PHAX: variants seen among roughly 807,000 people sequenced by gnomAD.
PHAX encodes phosphorylated adaptor for RNA export.
A neutral mutation model predicts 41.6 loss-of-function variants in PHAX; 31 were observed. That is an observed-to-expected ratio of 0.75 (90% confidence interval 0.56 to 1.01). PHAX has a LOEUF of 1.01. Among genes scored for constraint, PHAX ranks in the 50% least tolerant of loss-of-function variants. PHAX has a pLI of 0.00. For synonymous variants in PHAX, 175 were observed against 164.9 expected, an observed-to-expected ratio of 1.06 and a Z score of -0.47; for missense variants, 453 against 472.9, an observed-to-expected ratio of 0.96 and a Z score of 0.39.
intron 2 of PHAX, among the ~76,000 whole-genome samples, chr5:126,607,351 C>G (rs1405757226): frequency 6.6e-6 from 1 of 150,994 alleles, no homozygotes; most frequent in Non-Finnish European, 1.5e-5. Flanking sequence ...TGCACTGCCT[C>G]CTGTTGAGAA....
At chr5:126,602,808 T>G (rs1410690891) in intron 1 of PHAX, among the ~76,000 whole-genome samples, 1 of 151,928 alleles carries the variant, frequency 6.6e-6, no homozygotes, top group Non-Finnish European at 1.5e-5. Flanking sequence ...ATCGAGACCA[T>G]CCTGGCTAAC....
intron 1 of PHAX, among the ~76,000 whole-genome samples, chr5:126,601,629 A>G (rs1003228946): frequency 6.6e-6 from 1 of 152,114 alleles, no homozygotes; most frequent in Non-Finnish European, 1.5e-5. Context: ...TAGCTTTGTC[A>G]TGCGGTACCA....
At chr5:126,604,505 T>G (rs1490084516) in intron 2 of PHAX, among the ~76,000 whole-genome samples, 1 of 152,060 alleles carries the variant, frequency 6.6e-6, no homozygotes, top group East Asian at 1.9e-4. Context: ...GCTCAAGGGA[T>G]CCACCCGCCT....
At chr5:126,624,435 G>A in intron 4 of PHAX, 140 bp from the exon 5 acceptor site, 3 of 710,648 alleles carry the variant, frequency 4.2e-6, no homozygotes, top group Non-Finnish European at 7.0e-6. Flanking sequence ...TTAATATCTT[G>A]AACTCCATCT....
chr5:126,617,421 CTGT>C, intron 4 of PHAX, 88 bp downstream of exon 4: 1 of 675,376 alleles, frequency 1.5e-6, no homozygotes, highest in Non-Finnish European at 2.6e-6. Flanking sequence ...TATGCATTAC[CTGT>C]TCTGCCTTCA....
intron 4 of PHAX, among the ~76,000 whole-genome samples, chr5:126,621,264 C>T (rs1752267339): frequency 6.6e-6 from 1 of 152,120 alleles, no homozygotes; most frequent in Admixed American, 6.6e-5. Context: ...TCGTAGCTCA[C>T]TGTAGCCTCA....
At chr5:126,602,730 C>T (rs1424373837) in intron 1 of PHAX, among the ~76,000 whole-genome samples, 3 of 152,150 alleles carry the variant, frequency 2.0e-5, no homozygotes, top group African/African-American at 7.2e-5. Context: ...CCAGGCTGGG[C>T]GCGGTGGCTC....
At chr5:126,617,357 T>A in intron 4 of PHAX, 24 bp downstream of exon 4, 1 of 1,404,234 alleles carries the variant, frequency 7.1e-7, no homozygotes, top group Non-Finnish European at 1.0e-6. Context: ...CCTCACCTCT[T>A]AAGCGCCATC....
rs973649117 is a variant in PHAX at position 126,609,165 on chromosome 5, A to G, written c.831+681A>G. On this transcript the variant is annotated intron_variant, in intron 3 of 4. Coordinates refer to ENST00000297540, the MANE Select transcript of PHAX (RefSeq NM_032177.4). ...GCCCAGACTGGAGTGCAGTGGCGCAATCTCGGCTCACTGCAACCTCCGCCT... is the reference window on the plus strand; with the variant it reads ...GCCCAGACTGGAGTGCAGTGGCGCAGTCTCGGCTCACTGCAACCTCCGCCT... Among the ~76,000 whole-genome samples the G allele has an allele frequency of 8.5e-5, 12 of 140,840 alleles. No individual in the cohort carries two copies. The East Asian group carries it at 2.3e-3, about 27-fold the overall frequency. The allele number at this position is 140,840 out of a possible 152,430, so 92.4% of individuals were successfully genotyped here.
rs1312344020 is a variant in PHAX, at chr5:126,626,508, G to T, written c.*1664G>T. On this transcript the variant is annotated 3_prime_UTR_variant, in exon 5 of 5. Coordinates refer to ENST00000297540, the MANE Select transcript of PHAX (RefSeq NM_032177.4). Reference sequence around the variant, plus strand: ...AATCCCAGCACTTTGGGAGGTGGAGGCGGGTGGATCACAAGGTCAAGAGAT... The same window carrying T: ...AATCCCAGCACTTTGGGAGGTGGAGTCGGGTGGATCACAAGGTCAAGAGAT... 1 of 151,336 alleles carries T rather than the reference G, an allele frequency of 6.6e-6. No homozygotes were observed. Among genetic ancestry groups the T allele is most frequent in the Non-Finnish European group, 1.5e-5 (1 of 68,016 alleles). The allele number at this position is 151,336 out of a possible 1,614,324, so 9.4% of individuals were successfully genotyped here.
chr5:126,611,955 T>C (rs1041091204), intron 3 of PHAX, among the ~76,000 whole-genome samples: 16 of 151,736 alleles, frequency 1.1e-4, no homozygotes, highest in Middle Eastern at 3.4e-3. Context: ...AAGCAATGAA[T>C]ACTGCAGGAA....
chr5:126,611,351 G>A lies in PHAX; in HGVS notation c.831+2867G>A, dbSNP rs1752095522. On this transcript the variant is annotated intron_variant, in intron 3 of 4. Coordinates refer to ENST00000297540, the MANE Select transcript of PHAX (RefSeq NM_032177.4). Reference sequence around the variant, plus strand: ...TTACAGGCGTGAGGCACCACGCCCGGCCTCCAAATTTACTTTCTTTGGATA... The same window carrying A: ...TTACAGGCGTGAGGCACCACGCCCGACCTCCAAATTTACTTTCTTTGGATA... 1.3e-5 allele frequency among the ~76,000 whole-genome samples: 2 copies of A among 152,192 alleles called. 1 individual carries two copies. The highest frequency in any genetic ancestry group is 4.1e-4 in the South Asian group (2 of 4,828).
chr5:126,618,381 C>CAA (rs74471105), intron 4 of PHAX, among the ~76,000 whole-genome samples: 1 of 143,226 alleles, frequency 7.0e-6, no homozygotes, highest in African/African-American at 2.6e-5. Flanking sequence ...CATCCCCCAC[C>CAA]AAAAAAAAAA....
At chr5:126,623,022 AG>A (rs897858111) in intron 4 of PHAX, among the ~76,000 whole-genome samples, 1 of 152,028 alleles carries the variant, frequency 6.6e-6, no homozygotes, top group African/African-American at 2.4e-5. Flanking sequence ...GCTACTCTAG[AG>A]GCCAAGGCAT....
intron 4 of PHAX, among the ~76,000 whole-genome samples, chr5:126,617,824 G>A (rs1052736444): frequency 6.6e-6 from 1 of 152,180 alleles, no homozygotes; most frequent in Non-Finnish European, 1.5e-5. Context: ...GTGTTGCCCA[G>A]GCTGGTCTTG....
At chr5:126,623,540 G>A (rs1005614903) in intron 4 of PHAX, among the ~76,000 whole-genome samples, 10 of 152,230 alleles carry the variant, frequency 6.6e-5, no homozygotes, top group Middle Eastern at 3.4e-3. Context: ...ATTTACCTTT[G>A]TCTTTTCTCA....
intron 4 of PHAX, among the ~76,000 whole-genome samples, chr5:126,624,000 G>A (rs1401726284): frequency 6.9e-6 from 1 of 144,484 alleles, no homozygotes; most frequent in Non-Finnish European, 1.5e-5. Context: ...GTTTTGGTTT[G>A]GTTTTGGGTT....
At chr5:126,616,696 A>G (rs1752190343) in intron 3 of PHAX, among the ~76,000 whole-genome samples, 1 of 152,048 alleles carries the variant, frequency 6.6e-6, no homozygotes. Context: ...GCTGGCCAAC[A>G]TGGCGAAACC....
rs922883817 is a variant in PHAX at position 126,608,395 on chromosome 5, C to G, written c.742C>G (p.Arg248Gly). The G allele has an allele frequency of 3.1e-6, 5 of 1,613,300 alleles. No homozygotes were observed. Among genetic ancestry groups the G allele is most frequent in the East Asian group, 2.2e-5 (1 of 44,848 alleles). The part of the protein sequence containing the change: ...LQEPKKDLIA[R>G]VVRIIGNKKA... ...GGAACCAAAGAAAGACCTGATAGCC[C>G]GAGTAGTGAGGATTATTGGTAACAA... Residue 248 changes from arginine to glycine, a missense_variant, in exon 3 of 5, where the codon CGA becomes GGA. By Grantham distance (125) the Arg-to-Gly change is moderately radical. Coordinates refer to ENST00000297540, the MANE Select transcript of PHAX (RefSeq NM_032177.4).
Sources: allele counts gnomAD v4.1 joint callset (sites outside exome capture counted in the v4.1 genomes callset), GRCh38; gene constraint gnomAD v4.1.1; transcripts MANE v1.5; gene names NCBI Gene and HGNC (gene_info 2026-07-23, HGNC 2026-07-21).